RARB: variants seen among roughly 807,000 people sequenced by gnomAD.
RARB encodes the protein HBV-activated protein.
RARB carries 17 observed loss-of-function variants against 51.9 expected under a neutral mutation model. The observed-to-expected ratio is 0.33, with a 90% CI of 0.22 to 0.49. RARB has a LOEUF of 0.49. Among genes scored for constraint, RARB ranks in the 20% least tolerant of loss-of-function variants. The probability of loss-of-function intolerance (pLI) is 0.99; values close to 1 mark genes in which losing one functional copy is unlikely to be tolerated. For missense variants in RARB, 369 were observed against 550.8 expected, an observed-to-expected ratio of 0.67 and a Z score of 3.30; for synonymous variants, 215 against 195.4, an observed-to-expected ratio of 1.10 and a Z score of -0.84.
At chr3:25,215,859 T>TGTCTGGC in intron 5 of RARB, among the ~76,000 whole-genome samples, 1 of 152,324 alleles carries the variant, frequency 6.6e-6, no homozygotes, top group South Asian at 2.1e-4. Flanking sequence ...AAGAAAGTAA[T>TGTCTGGC]GTCTGGCGTA....
At chr3:25,391,075 G>A (rs1706940887) in intron 5 of RARB, among the ~76,000 whole-genome samples, 1 of 152,036 alleles carries the variant, frequency 6.6e-6, no homozygotes, top group Admixed American at 6.6e-5. Context: ...GGTCCCCAAA[G>A]TTTATTGTAT....
intron 4 of RARB, among the ~76,000 whole-genome samples, chr3:25,142,783 A>G (rs1333930582): frequency 1.3e-5 from 2 of 152,110 alleles, no homozygotes; most frequent in Non-Finnish European, 2.9e-5. Context: ...GCTGCAATCT[A>G]TAGCTGGCAG....
At chr3:25,413,659 T>G (rs1435347934) in intron 5 of RARB, among the ~76,000 whole-genome samples, 5 of 151,616 alleles carry the variant, frequency 3.3e-5, no homozygotes, top group Non-Finnish European at 7.4e-5. Flanking sequence ...TGTTTTTTGT[T>G]TTTTGTTTTT....
chr3:25,004,557 C>T (rs1008124046), intron 2 of RARB, among the ~76,000 whole-genome samples: 1 of 152,074 alleles, frequency 6.6e-6, no homozygotes, highest in South Asian at 2.1e-4. Context: ...GGGAGCAGAG[C>T]TCTCATGGCC....
intron 5 of RARB, among the ~76,000 whole-genome samples, chr3:25,230,250 A>G (rs950549761): frequency 6.6e-6 from 1 of 152,110 alleles, no homozygotes; most frequent in Non-Finnish European, 1.5e-5. Context: ...CTAAAACCGA[A>G]CATACTTATT....
chr3:25,262,722 C>A (rs1397526336), intron 5 of RARB, among the ~76,000 whole-genome samples: 1 of 152,154 alleles, frequency 6.6e-6, no homozygotes, highest in African/African-American at 2.4e-5. Context: ...GGAGAATCTT[C>A]CTATCTTAAG....
At chr3:25,154,531 C>G (rs1250456902) in intron 4 of RARB, among the ~76,000 whole-genome samples, 2 of 152,208 alleles carry the variant, frequency 1.3e-5, no homozygotes, top group Non-Finnish European at 2.9e-5. Context: ...GCTTTGCTAC[C>G]AATCCATTTT....
At chr3:25,488,962 T>A (rs1696598041) in intron 2 of RARB, among the ~76,000 whole-genome samples, 1 of 152,340 alleles carries the variant, frequency 6.6e-6, no homozygotes, top group Non-Finnish European at 1.5e-5. Flanking sequence ...GCTCCTCTTT[T>A]TATCAACTAA....
chr3:25,381,351 A>G (rs1334031652), intron 5 of RARB, among the ~76,000 whole-genome samples: 1 of 152,224 alleles, frequency 6.6e-6, no homozygotes, highest in African/African-American at 2.4e-5. Context: ...CAGTGGCTGT[A>G]GACTCTGGTG....
chr3:25,487,383 A>C (rs1696524242), intron 2 of RARB, among the ~76,000 whole-genome samples: 1 of 152,084 alleles, frequency 6.6e-6, no homozygotes, highest in African/African-American at 2.4e-5. Flanking sequence ...CACAATTAAA[A>C]GTGAAAAATA....
intron 5 of RARB, among the ~76,000 whole-genome samples, chr3:25,374,147 C>T (rs1706386883): frequency 6.6e-6 from 1 of 152,070 alleles, no homozygotes; most frequent in African/African-American, 2.4e-5. Context: ...GTGGACGTAG[C>T]TGGATGTGGA....
intron 1 of RARB, among the ~76,000 whole-genome samples, chr3:24,840,439 A>T (rs562109246): frequency 6.6e-6 from 1 of 152,332 alleles, no homozygotes; most frequent in Non-Finnish European, 1.5e-5. Flanking sequence ...AGAAATGCCC[A>T]GCAAGGAATG....
intron 5 of RARB, among the ~76,000 whole-genome samples, chr3:25,409,273 A>C (rs1707495712): frequency 6.6e-6 from 1 of 152,190 alleles, no homozygotes; most frequent in South Asian, 2.1e-4. Context: ...TGTTTTCCCA[A>C]GAGACCATAC....
At chr3:24,867,638 G>A (rs1054627409) in intron 2 of RARB, among the ~76,000 whole-genome samples, 12 of 152,114 alleles carry the variant, frequency 7.9e-5, no homozygotes, top group African/African-American at 2.7e-4. Context: ...CAAACTTTGG[G>A]TGCAGGCCCC....
At chr3:25,527,100 G>T (rs1015221417) in intron 3 of RARB, among the ~76,000 whole-genome samples, 8 of 152,140 alleles carry the variant, frequency 5.3e-5, no homozygotes, top group Non-Finnish European at 1.0e-4. Flanking sequence ...AGTCATCTGG[G>T]GATCTTGATA....
chr3:25,280,237 CTGTT>C (rs1703488364), intron 5 of RARB, among the ~76,000 whole-genome samples: 2 of 152,050 alleles, frequency 1.3e-5, no homozygotes, highest in Admixed American at 6.6e-5. Flanking sequence ...TTAGCAAGGC[CTGTT>C]TGTTCAGATT....
chr3:25,404,624 G>C (rs539845059), intron 5 of RARB, among the ~76,000 whole-genome samples: 2 of 152,146 alleles, frequency 1.3e-5, no homozygotes, highest in Non-Finnish European at 2.9e-5. Context: ...TGTTTGCAAG[G>C]TTCTTGGCTT....
chr3:24,903,657 C>A (rs1049848878), intron 2 of RARB, among the ~76,000 whole-genome samples: 1 of 152,044 alleles, frequency 6.6e-6, no homozygotes, highest in African/African-American at 2.4e-5. Flanking sequence ...TGTCCAATAC[C>A]CAGCATGGTG....
intron 5 of RARB, among the ~76,000 whole-genome samples, chr3:25,261,713 T>C (rs974922202): frequency 6.6e-6 from 1 of 152,250 alleles, no homozygotes; most frequent in Admixed American, 6.5e-5. Context: ...TCCTCCATTC[T>C]GTATCTCACT....
Sources: allele counts gnomAD v4.1 joint callset (sites outside exome capture counted in the v4.1 genomes callset), GRCh38; gene constraint gnomAD v4.1.1; transcripts MANE v1.5; gene names NCBI Gene and HGNC (gene_info 2026-07-23, HGNC 2026-07-21).